CLTCL1: variants seen among roughly 807,000 people sequenced by gnomAD.
CLTCL1 encodes the protein clathrin heavy chain like 1.
In CLTCL1, 159 loss-of-function variants were observed where a neutral mutation model predicts 190.0. The observed-to-expected ratio is 0.84, with a 90% confidence interval of 0.74 to 0.95. The LOEUF is 0.95. Among genes scored for constraint, CLTCL1 ranks in the 40% least tolerant of loss-of-function variants. The probability of loss-of-function intolerance (pLI) is 0.00; values close to 1 mark genes in which losing one functional copy is unlikely to be tolerated. For synonymous variants in CLTCL1, 752 were observed against 769.6 expected (o/e 0.98, Z 0.38); for missense variants, 1,878 against 2,033.4 (o/e 0.92, Z 1.47).
intron 1 of CLTCL1, among the ~76,000 whole-genome samples, chr22:19,280,517 G>A (rs1555985949): frequency 6.6e-6 from 1 of 151,970 alleles, no homozygotes; most frequent in Non-Finnish European, 1.5e-5. Context: ...AGGTCATTAT[G>A]CTAAGTAAAA....
At chr22:19,183,647 CAGGCAG>C in intron 29 of CLTCL1, 36 bp from the exon 30 acceptor site, 1 of 1,604,962 alleles carries the variant, frequency 6.2e-7, no homozygotes, top group South Asian at 1.1e-5. Context: ...GGGCATCCTG[CAGGCAG>C]AGGCTTTGTG....
intron 2 of CLTCL1, among the ~76,000 whole-genome samples, chr22:19,272,528 T>C (rs1453675635): frequency 6.6e-6 from 1 of 152,106 alleles, no homozygotes; most frequent in Admixed American, 6.5e-5. Flanking sequence ...TAGAGTGCAA[T>C]AGCACGATCT....
chr22:19,188,427 T>C (rs1569146676), intron 27 of CLTCL1, among the ~76,000 whole-genome samples: 1 of 152,224 alleles, frequency 6.6e-6, no homozygotes, highest in Non-Finnish European at 1.5e-5. Flanking sequence ...AACAGCATTA[T>C]GTCTACAAAA....
At position 19,183,586 on chromosome 22, in the gene CLTCL1, G is replaced by A. The variant is rs782403211; in HGVS notation, c.4631C>T (p.Ser1544Leu). The part of the protein sequence containing the change: ...YKDAMQHAAE[S>L]RDAELAQKLL... ...CTTCTGGGCCAGCTCAGCATCCCGC[G>A]ACTCTGCAGCATGCTGCATGGCATC... The change falls in exon 30 of 33, where the codon TCG becomes TTG. Residue 1544 changes from serine (S) to leucine (L), a missense_variant. Coordinates refer to ENST00000427926, the MANE Select transcript of CLTCL1 (RefSeq NM_007098.4). The A allele has an allele frequency of 5.0e-6, 8 of 1,613,500 alleles. No individual in the cohort carries two copies. The highest frequency in any genetic ancestry group is 3.3e-5 in the South Asian group (3 of 91,078).
intron 24 of CLTCL1, 22 bp from the exon 25 acceptor site, chr22:19,196,678 G>A (rs377281501): frequency 2.0e-5 from 32 of 1,599,192 alleles, no homozygotes; most frequent in East Asian, 6.8e-5. Flanking sequence ...ACAGCCACGC[G>A]TGGGGCAGAG....
chr22:19,221,745 C>A, intron 16 of CLTCL1, 134 bp from the exon 17 acceptor site: 1 of 980,786 alleles, frequency 1.0e-6, no homozygotes, highest in Non-Finnish European at 1.5e-6. Flanking sequence ...CTCTAGGGAC[C>A]AAGATGGACC....
At chr22:19,290,473 C>T (rs2088069906) in intron 1 of CLTCL1, among the ~76,000 whole-genome samples, 1 of 152,174 alleles carries the variant, frequency 6.6e-6, no homozygotes, top group Non-Finnish European at 1.5e-5. Flanking sequence ...GCTACCTCAA[C>T]ATGACTGGTG....
Position 19,257,787 on chromosome 22 carries a change from G to T in CLTCL1, c.251-3560C>A. Reference sequence around the variant, plus strand: ...GAAGGAGACCATGCAAAGCCTGAACGACCACCTGGCCTCCTACCTGGACAG... The same window carrying T: ...GAAGGAGACCATGCAAAGCCTGAACTACCACCTGGCCTCCTACCTGGACAG... On this transcript the variant is annotated intron_variant, in intron 2 of 32. Coordinates refer to ENST00000427926, the MANE Select transcript of CLTCL1 (RefSeq NM_007098.4). 3 of 1,424,528 alleles carry T rather than the reference G, an allele frequency of 2.1e-6. No individual in the cohort carries two copies. The South Asian group carries it at 3.4e-5, about 16-fold the overall frequency. The allele number at this position is 1,424,528 out of a possible 1,614,324, so 88.2% of individuals were successfully genotyped here.
chr22:19,239,427 G>C, intron 4 of CLTCL1, 39 bp from the exon 5 acceptor site: 2 of 1,474,708 alleles, frequency 1.4e-6, no homozygotes, highest in Non-Finnish European at 1.9e-6. Context: ...GGGACCGCCT[G>C]TGGTGGTGGG....
chr22:19,276,426 C>A (rs2087505305), intron 1 of CLTCL1, among the ~76,000 whole-genome samples: 1 of 152,200 alleles, frequency 6.6e-6, no homozygotes, highest in African/African-American at 2.4e-5. Flanking sequence ...TTTGGCACAT[C>A]TTCCAGGGCC....
At chr22:19,183,111 C>A in intron 30 of CLTCL1, 1 of 441,050 alleles carries the variant, frequency 2.3e-6, no homozygotes, top group Non-Finnish European at 4.2e-6. Context: ...TGTTGTGCTC[C>A]TAGCAGTGTG....
chr22:19,221,865 A>G (rs1403392755), intron 16 of CLTCL1, 86 bp downstream of exon 16: 1 of 1,466,934 alleles, frequency 6.8e-7, no homozygotes, highest in East Asian at 2.3e-5. Context: ...GACCAGCTAT[A>G]GAGACAGTCC....
intron 3 of CLTCL1, among the ~76,000 whole-genome samples, chr22:19,252,832 G>A (rs1446911458): frequency 6.6e-6 from 1 of 152,156 alleles, no homozygotes. Context: ...GGCTAACACG[G>A]AGAAACCCCA....
intron 26 of CLTCL1, among the ~76,000 whole-genome samples, chr22:19,192,353 C>T (rs930500973): frequency 1.3e-5 from 2 of 152,220 alleles, no homozygotes; most frequent in African/African-American, 4.8e-5. Flanking sequence ...GCGTGAGCCA[C>T]CGCGCCCAGC....
rs1439680609 is a variant in CLTCL1, at chr22:19,208,788, T to C, written c.3442+134A>G. ...TTATCTCAGACTCTTGTGGGAAACTTTCATGTAGATGTGCCCTCTGATATC... is the reference window on the plus strand; with the variant it reads ...TTATCTCAGACTCTTGTGGGAAACTCTCATGTAGATGTGCCCTCTGATATC... On this transcript the variant is annotated intron_variant, in intron 21 of 32. Coordinates refer to ENST00000427926, the MANE Select transcript of CLTCL1 (RefSeq NM_007098.4). The C allele has an allele frequency of 4.1e-6, 3 of 731,034 alleles. No homozygotes were observed. The African/African-American group carries it at 5.4e-5, about 13-fold the overall frequency. 45.3% of individuals were successfully genotyped at this position (731,034 alleles called of 1,614,324 possible).
chr22:19,283,026 C>T (rs1555987906), intron 1 of CLTCL1, among the ~76,000 whole-genome samples: 1 of 150,666 alleles, frequency 6.6e-6, no homozygotes, highest in Non-Finnish European at 1.5e-5. Flanking sequence ...TGCCCACTAC[C>T]ACGCCTGGCT....
intron 24 of CLTCL1, among the ~76,000 whole-genome samples, chr22:19,199,192 T>C (rs959055506): frequency 6.6e-6 from 1 of 152,118 alleles, no homozygotes; most frequent in Admixed American, 6.6e-5. Context: ...ATCCCACAGG[T>C]GGAAGCCCAG....
chr22:19,235,236 C>T (rs888281340), intron 6 of CLTCL1, among the ~76,000 whole-genome samples: 1 of 151,646 alleles, frequency 6.6e-6, no homozygotes, highest in African/African-American at 2.4e-5. Context: ...ATGGTGTGAT[C>T]ACAGCTCACT....
Position 19,196,275 on chromosome 22 carries a change from G to T in CLTCL1, c.4182C>A (p.Ile1394=). 1 of 1,613,254 alleles carries T rather than the reference G, an allele frequency of 6.2e-7. No homozygotes were observed. Among genetic ancestry groups the T allele is most frequent in the Non-Finnish European group, 8.5e-7 (1 of 1,179,834 alleles). ...EAWKEGQFKD[I]ITKVANVELC... ...CTGTATCCCCTCTTACCTTGGTAAT[G>T]ATGTCCTTGAACTGACCCTCCTTCC... The change falls in exon 26 of 33, where the codon ATC becomes ATA. Residue 1394 remains isoleucine, a synonymous_variant. Coordinates refer to ENST00000427926, the MANE Select transcript of CLTCL1 (RefSeq NM_007098.4).
Sources: gnomAD v4.1 joint callset for allele counts (sites outside exome capture counted in the v4.1 genomes callset) on GRCh38, gnomAD v4.1.1 for gene constraint, MANE v1.5 for transcripts, NCBI Gene and HGNC (gene_info 2026-07-23, HGNC 2026-07-21) for gene names.